The following AVEN variants were observed in gnomAD, a reference collection of about 807,000 sequenced individuals.
AVEN encodes apoptosis and caspase activation inhibitor, also known as cell death regulator Aven.
Under a neutral mutation model 38.1 loss-of-function variants are expected in AVEN, and 41 were observed. That is an observed-to-expected ratio of 1.08 (90% CI 0.84 to 1.40). The LOEUF (loss-of-function observed/expected upper bound fraction) is 1.40, where lower values mean the gene tolerates loss of function less well. Among genes scored for constraint, AVEN ranks in the 40% most tolerant of loss-of-function variants. The probability of loss-of-function intolerance (pLI) is 0.00; values close to 1 mark genes in which losing one functional copy is unlikely to be tolerated. For missense variants in AVEN, 605 were observed against 438.8 expected (o/e 1.38, Z -3.38); for synonymous variants, 206 against 171.8 (o/e 1.20, Z -1.56).
At chr15:33,992,612 T>C (rs1323541801) in intron 2 of AVEN, among the ~76,000 whole-genome samples, 3 of 152,202 alleles carry the variant, frequency 2.0e-5, no homozygotes, top group African/African-American at 7.2e-5. Context: ...TTCTACTATA[T>C]TGCCTTTGTA....
At chr15:33,980,346 A>G (rs1001079805) in intron 2 of AVEN, among the ~76,000 whole-genome samples, 2 of 152,206 alleles carry the variant, frequency 1.3e-5, no homozygotes, top group Non-Finnish European at 2.9e-5. Context: ...TAACTTGACA[A>G]GACCTCAGTG....
chr15:33,853,031 G>C, the AVEN span: 1 of 1,600,682 alleles, frequency 6.2e-7, no homozygotes. Context: ...AACCTTTTTC[G>C]TTTTGTTTTT....
intron 1 of AVEN, among the ~76,000 whole-genome samples, chr15:34,072,575 A>G (rs28890831): frequency 1 from 149,964 of 149,976 alleles, 74,976 homozygotes; most frequent in Middle Eastern, 1. Context: ...TGGCCACTGC[A>G]CTCCAGCCTG....
chr15:33,974,006 A>G (rs932354375), intron 2 of AVEN, among the ~76,000 whole-genome samples: 1 of 152,224 alleles, frequency 6.6e-6, no homozygotes, highest in African/African-American at 2.4e-5. Flanking sequence ...TTTATACTGA[A>G]ATAATAGCTA....
intron 4 of AVEN, among the ~76,000 whole-genome samples, 170 bp downstream of exon 4, chr15:33,870,765 C>CA (rs903632737): frequency 5.9e-5 from 9 of 152,112 alleles, no homozygotes; most frequent in Non-Finnish European, 1.2e-4. Flanking sequence ...AAAGTAACTT[C>CA]AAAAAATTTT....
Position 34,073,989 on chromosome 15 carries a change from C to CTTTTTTTTTTTTTTTTTTTTTTTTTT in AVEN, n.720+421_720+446dup, listed in dbSNP as rs5811818. On this transcript the variant is annotated intron_variant and non_coding_transcript_variant, in intron 1 of 11. Transcript: ENST00000675287. ...AGGAACTTTCTTTTTTCTTCTTCTT[C>CTTTTTTTTTTTTTTTTTTTTTTTTTT]TTTTTTTTTTTTTTTTTTTTTTTTT... Among the ~76,000 whole-genome samples, 3 of 31,508 alleles carry CTTTTTTTTTTTTTTTTTTTTTTTTTT rather than the reference C, an allele frequency of 9.5e-5. 1 individual carries two copies. Among genetic ancestry groups the CTTTTTTTTTTTTTTTTTTTTTTTTTT allele is most frequent in the African/African-American group, 2.0e-4 (3 of 15,230 alleles). 20.7% of individuals were successfully genotyped at this position (31,508 alleles called of 152,430 possible).
chr15:34,051,218 A>C (rs1485699294), intron 5 of AVEN, among the ~76,000 whole-genome samples: 7 of 152,238 alleles, frequency 4.6e-5, no homozygotes, highest in Non-Finnish European at 8.8e-5. Context: ...AACTACATGG[A>C]AACTGAACAA....
At chr15:33,879,116 G>A (rs62016713) in intron 2 of AVEN, among the ~76,000 whole-genome samples, 37 of 151,874 alleles carry the variant, frequency 2.4e-4, no homozygotes, top group Non-Finnish European at 2.6e-4. Context: ...TGTTTACTGC[G>A]GCACTATTCA....
chr15:33,979,941 T>C (rs1896061169), intron 2 of AVEN, among the ~76,000 whole-genome samples: 1 of 152,224 alleles, frequency 6.6e-6, no homozygotes, highest in South Asian at 2.1e-4. Context: ...AACACTAACT[T>C]GTTCTAGCTA....
At chr15:33,919,477 G>A (rs1339924338) in intron 2 of AVEN, among the ~76,000 whole-genome samples, 1 of 152,094 alleles carries the variant, frequency 6.6e-6, no homozygotes, top group Non-Finnish European at 1.5e-5. Flanking sequence ...AAATGCCCAG[G>A]TTCTACCCAA....
chr15:33,896,324 C>A (rs2551417), intron 2 of AVEN, among the ~76,000 whole-genome samples: 1 of 152,018 alleles, frequency 6.6e-6, no homozygotes, highest in Non-Finnish European at 1.5e-5. Context: ...AAGGACATTA[C>A]GGCTTGTTAG....
the AVEN span, chr15:33,853,030 C>T: frequency 1.2e-5 from 19 of 1,599,740 alleles, no homozygotes; most frequent in Middle Eastern, 1.7e-4. Context: ...CAACCTTTTT[C>T]GTTTTGTTTT....
chr15:34,068,263 A>T (rs528577336), intron 2 of AVEN, among the ~76,000 whole-genome samples: 31 of 146,518 alleles, frequency 2.1e-4, no homozygotes, highest in Non-Finnish European at 3.4e-4. Flanking sequence ...ACAGGGTCTC[A>T]CTCTGTCATC....
intron 4 of AVEN, chr15:34,064,176 A>G (rs1410981312): frequency 6.2e-7 from 1 of 1,614,044 alleles, no homozygotes; most frequent in Non-Finnish European, 8.5e-7. Flanking sequence ...GTGCTATGTC[A>G]ATAGCACTGT....
intron 1 of AVEN, among the ~76,000 whole-genome samples, chr15:34,017,497 T>TTTTTTTAGACAGG (rs1555516619): frequency 7.5e-6 from 1 of 133,364 alleles, no homozygotes; most frequent in Non-Finnish European, 1.7e-5. Flanking sequence ...TTTTTTTTTT[T>TTTTTTTAGACAGG]TTTGAGACAG....
At chr15:33,925,217 C>T (rs549321310) in intron 2 of AVEN, among the ~76,000 whole-genome samples, 2 of 152,212 alleles carry the variant, frequency 1.3e-5, no homozygotes, top group African/African-American at 4.8e-5. Flanking sequence ...GAAAAAGTAC[C>T]ACTTTGTCTC....
intron 1 of AVEN, among the ~76,000 whole-genome samples, chr15:34,021,818 G>A (rs1898213626): frequency 6.6e-6 from 1 of 152,070 alleles, no homozygotes; most frequent in Admixed American, 6.5e-5. Flanking sequence ...TTGCGCCACT[G>A]CACTCCAGCC....
At chr15:33,978,332 G>A (rs1262656019) in intron 2 of AVEN, among the ~76,000 whole-genome samples, 1 of 152,144 alleles carries the variant, frequency 6.6e-6, no homozygotes, top group Non-Finnish European at 1.5e-5. Context: ...GAGTGGGGGA[G>A]TACATTTAAT....
downstream of AVEN, chr15:33,864,052 C>T (rs751498745): frequency 8.2e-5 from 82 of 1,001,170 alleles, no homozygotes; most frequent in Non-Finnish European, 1.2e-4. Flanking sequence ...ACCAACTAGC[C>T]TTTCTGAGCC....
Sources: allele counts gnomAD v4.1 joint callset (sites outside exome capture counted in the v4.1 genomes callset), GRCh38; gene constraint gnomAD v4.1.1; transcripts MANE v1.5; gene names NCBI Gene and HGNC (gene_info 2026-07-23, HGNC 2026-07-21).